The following NPAS1 variants were observed in gnomAD, a reference collection of about 807,000 sequenced individuals.
NPAS1 encodes the protein neuronal PAS domain-containing protein 1.
NPAS1 carries 29 observed loss-of-function variants against 49.2 expected under a neutral mutation model. The ratio of observed to expected loss-of-function variants is 0.59; its 90% CI spans 0.44 to 0.80. The LOEUF (loss-of-function observed/expected upper bound fraction) is 0.80. Among genes scored for constraint, NPAS1 ranks in the 30% least tolerant of loss-of-function variants. The pLI is 0.00. For missense variants in NPAS1, 825 were observed against 835.5 expected (o/e 0.99, Z 0.15); for synonymous variants, 408 against 380.4 (o/e 1.07, Z -0.84).
rs1276844244 is a variant in NPAS1 at position 47,021,688 on chromosome 19, G to C, written c.199G>C (p.Glu67Gln). ...RRGKENLEFF[E>Q]LAKLLPLPGA... ...CGGGAAGGAGAACCTGGAGTTCTTC[G>C]AGCTGGCCAAGCTTCTCCCGCTGCC... Residue 67 changes from glutamate to glutamine, a missense_variant, in exon 3 of 12, where the codon GAG becomes CAG. By Grantham distance (29) the Glu-to-Gln change is conservative. Transcript: ENST00000602212. The surrounding 1 kb of genome is among the most constrained non-coding windows in gnomAD (Gnocchi z 5.7). The C allele has an allele frequency of 1.9e-6, 3 of 1,563,242 alleles. No homozygotes were observed. Among genetic ancestry groups the C allele is most frequent in the South Asian group, 2.4e-5 (2 of 84,632 alleles).
At chr19:47,032,593 G>C (rs749568007) in intron 4 of NPAS1, 50 bp from the exon 5 acceptor site, 2 of 1,542,216 alleles carry the variant, frequency 1.3e-6, no homozygotes, top group Middle Eastern at 1.7e-4. Flanking sequence ...CGGCTGGACA[G>C]AGGGACACCG....
At chr19:47,026,305 G>A (rs2056870424) in intron 3 of NPAS1, among the ~76,000 whole-genome samples, 1 of 152,234 alleles carries the variant, frequency 6.6e-6, no homozygotes, top group African/African-American at 2.4e-5. Context: ...AGCTGGAAGA[G>A]AGTGACTCAG....
chr19:47,042,415 G>A (rs2057031421), intron 10 of NPAS1, among the ~76,000 whole-genome samples: 1 of 152,214 alleles, frequency 6.6e-6, no homozygotes, highest in Non-Finnish European at 1.5e-5. Context: ...CCAGTCCTGG[G>A]AAGTGCCAGA....
chr19:47,043,508 T>C lies in NPAS1; in HGVS notation c.1312+604T>C, dbSNP rs1017232727. Among the ~76,000 whole-genome samples, 12 of 152,136 alleles carry C rather than the reference T, an allele frequency of 7.9e-5. No homozygotes were observed. The Middle Eastern group carries it at 0.01, about 129-fold the overall frequency. On this transcript the variant is annotated intron_variant, in intron 11 of 11. Coordinates refer to ENST00000602212, the MANE Select transcript of NPAS1 (RefSeq NM_002517.4). Reference sequence around the variant, plus strand: ...GGGAGGCTAAGGCAGGAGAATCGCTTGAACCCGGAGGGCAGAGGTTGCAGT... The same window carrying C: ...GGGAGGCTAAGGCAGGAGAATCGCTCGAACCCGGAGGGCAGAGGTTGCAGT...
At chr19:47,038,474 G>A (rs1440875098) in intron 6 of NPAS1, among the ~76,000 whole-genome samples, 1 of 149,106 alleles carries the variant, frequency 6.7e-6, no homozygotes, top group African/African-American at 2.5e-5. Flanking sequence ...CCGAGATCGT[G>A]CCACTGCACT....
intron 5 of NPAS1, among the ~76,000 whole-genome samples, chr19:47,034,813 T>C (rs1599906587): frequency 6.6e-6 from 1 of 151,608 alleles, no homozygotes; most frequent in Non-Finnish European, 1.5e-5. Context: ...GAGGCAGAGG[T>C]TGCAGTGAGC....
rs113936109 is a variant in NPAS1 at position 47,032,164 on chromosome 19, A to G, written c.359-114A>G. 50 of 934,280 alleles carry G rather than the reference A, an allele frequency of 5.4e-5. 2 individuals are homozygous for G. The African/African-American group carries it at 6.1e-4, about 11-fold the overall frequency. 57.9% of individuals were successfully genotyped at this position (934,280 alleles called of 1,614,324 possible). On this transcript the variant is annotated intron_variant, in intron 3 of 11. Transcript: ENST00000602212. ...TCCCCCATGGGTGCCCAGATACCCC[A>G]AGATGTCTACAAGCCTTAGGGGAAG...
In NPAS1 at chr19:47,045,599, G is replaced by A; in HGVS notation, c.1721G>A (p.Gly574Asp). 1 of 1,468,476 alleles carries A rather than the reference G, an allele frequency of 6.8e-7. No individual in the cohort carries two copies. Among genetic ancestry groups the A allele is most frequent in the African/African-American group, 1.5e-5 (1 of 68,254 alleles). The allele number at this position is 1,468,476 out of a possible 1,614,324, so 91.0% of individuals were successfully genotyped here. A position where few individuals can be genotyped will look rare whatever the true frequency, so the allele number is the denominator to read the frequency against. Residue 574 changes from glycine to aspartate, a missense_variant, in exon 12 of 12, where the codon GGC becomes GAC. By Grantham distance (94) the Gly-to-Asp change is moderately conservative (BLOSUM62 -1). Transcript: ENST00000602212. ...CCGGAGGCCTTTTACCCGCCCCTGG[G>A]CCTGCCCTACCCGGGGCCCGCGGGC... ...ALPEAFYPPL[G>D]LPYPGPAGTR...
intron 10 of NPAS1, among the ~76,000 whole-genome samples, chr19:47,041,502 C>G (rs2057021220): frequency 6.6e-6 from 1 of 151,978 alleles, no homozygotes; most frequent in African/African-American, 2.4e-5. Context: ...GAGGGGTGTT[C>G]CAAGCAGAGG....
chr19:47,042,931 C>T, intron 11 of NPAS1, 27 bp downstream of exon 11: 1 of 1,515,724 alleles, frequency 6.6e-7, no homozygotes, highest in Non-Finnish European at 8.9e-7. Flanking sequence ...ACCTTGGCCC[C>T]TGGGAAGCTC....
chr19:47,043,562 T>C (rs111230438), intron 11 of NPAS1, among the ~76,000 whole-genome samples: 7,984 of 151,174 alleles, frequency 0.053, 649 homozygotes, highest in African/African-American at 0.18. Flanking sequence ...TGCACTCCAG[T>C]CTAGGTGACA....
At chr19:47,042,354 G>A (rs1211053191) in intron 10 of NPAS1, among the ~76,000 whole-genome samples, 1 of 152,178 alleles carries the variant, frequency 6.6e-6, no homozygotes, top group African/African-American at 2.4e-5. Flanking sequence ...TGCCATGAAG[G>A]AGGCACTGAG....
intron 8 of NPAS1, 128 bp from the exon 9 acceptor site, chr19:47,040,316 C>T (rs1482439654): frequency 4.8e-6 from 3 of 626,878 alleles, no homozygotes; most frequent in Non-Finnish European, 8.7e-6. Flanking sequence ...AGCCACCGCG[C>T]CTGCCAACAC....
intron 10 of NPAS1, 29 bp from the exon 11 acceptor site, chr19:47,042,775 CCCCTGG>C (rs771617108): frequency 6.4e-7 from 1 of 1,553,252 alleles, no homozygotes; most frequent in East Asian, 2.4e-5. Flanking sequence ...AGGCCAAGGA[CCCCTGG>C]CTCCTAACCG....
intron 8 of NPAS1, 40 bp downstream of exon 8, chr19:47,039,604 C>A (rs1412438174): frequency 6.6e-7 from 1 of 1,524,000 alleles, no homozygotes; most frequent in Non-Finnish European, 8.8e-7. Context: ...ATTGGGGGCA[C>A]AATGGAGATC....
At chr19:47,036,393 A>C (rs1012276783) in intron 6 of NPAS1, among the ~76,000 whole-genome samples, 1 of 152,254 alleles carries the variant, frequency 6.6e-6, no homozygotes, top group Non-Finnish European at 1.5e-5. Context: ...ATAACAAGGC[A>C]GGCTTATTGG....
intron 3 of NPAS1, among the ~76,000 whole-genome samples, chr19:47,025,649 C>T (rs960409142): frequency 1.3e-5 from 2 of 151,982 alleles, no homozygotes; most frequent in African/African-American, 2.4e-5. Context: ...GATCTTGGCT[C>T]ACTGCAGCCT....
rs553548051 is a variant in NPAS1 at position 47,044,079 on chromosome 19, TA to T, written c.1313-1111del. Among the ~76,000 whole-genome samples, 72 of 152,228 alleles carry T rather than the reference TA, an allele frequency of 4.7e-4. 1 individual carries two copies. The highest frequency in any genetic ancestry group is 1.7e-3 in the African/African-American group (71 of 41,516). On this transcript the variant is annotated intron_variant, in intron 11 of 11. Transcript: ENST00000602212. ...AGACCTCGTCTCAAACAAATTTATT[TA>T]TTTTTTTAGGGGGATGGAGTTTCAC...
chr19:47,020,516 C>A (rs2056831928), intron 1 of NPAS1, among the ~76,000 whole-genome samples: 2 of 151,806 alleles, frequency 1.3e-5, no homozygotes, highest in Admixed American at 1.3e-4. Flanking sequence ...CTGCCCTCTG[C>A]CCCCTGCCTC....
Sources: gnomAD v4.1 joint callset for allele counts (sites outside exome capture counted in the v4.1 genomes callset) on GRCh38, gnomAD v4.1.1 for gene constraint, Gnocchi (gnomAD v3.1) non-coding constraint, MANE v1.5 for transcripts, NCBI Gene and HGNC (gene_info 2026-07-23, HGNC 2026-07-21) for gene names.